PRELID2: variants seen among roughly 807,000 people sequenced by gnomAD.
PRELID2 encodes PRELI domain-containing protein 2.
In PRELID2, 25 loss-of-function variants were observed where a neutral mutation model predicts 28.4. The ratio of observed to expected loss-of-function variants is 0.88; its 90% CI spans 0.64 to 1.23. PRELID2 has a LOEUF of 1.23. Ranked by LOEUF, PRELID2 falls within the 50% of genes most tolerant of loss-of-function variation. PRELID2 has a pLI of 0.00. For missense variants in PRELID2, 201 were observed against 214.4 expected (o/e 0.94, Z 0.39); for synonymous variants, 76 against 71.6 (o/e 1.06, Z -0.31).
the PRELID2 span, among the ~76,000 whole-genome samples, chr5:145,355,556 G>A: frequency 6.6e-6 from 1 of 152,042 alleles, no homozygotes; most frequent in Admixed American, 6.6e-5. Context: ...ACTGTGTGAA[G>A]ACAAAGGCAG....
intron 1 of PRELID2, among the ~76,000 whole-genome samples, chr5:145,699,611 C>A (rs1457216716): frequency 6.6e-6 from 1 of 152,144 alleles, no homozygotes; most frequent in East Asian, 1.9e-4. Context: ...CTTCCCATTT[C>A]AGTTTGTGTG....
At chr5:145,289,463 G>C in the PRELID2 span, among the ~76,000 whole-genome samples, 2 of 152,002 alleles carry the variant, frequency 1.3e-5, no homozygotes, top group African/African-American at 4.8e-5. Flanking sequence ...ATAACATTCT[G>C]GTGTATGGGT....
intron 1 of PRELID2, among the ~76,000 whole-genome samples, chr5:145,503,066 G>A (rs1244336853): frequency 6.6e-6 from 1 of 152,106 alleles, no homozygotes; most frequent in Non-Finnish European, 1.5e-5. Flanking sequence ...GTGGATGGCT[G>A]GGAGAGTATT....
chr5:145,520,002 C>T (rs562051121), intron 1 of PRELID2, among the ~76,000 whole-genome samples: 3 of 152,278 alleles, frequency 2.0e-5, no homozygotes, highest in Admixed American at 6.5e-5. Flanking sequence ...AATAACTTGG[C>T]TCTCAATGGT....
intron 1 of PRELID2, among the ~76,000 whole-genome samples, chr5:145,620,838 C>CAA (rs1323812839): frequency 6.6e-6 from 1 of 151,800 alleles, no homozygotes; most frequent in Admixed American, 6.6e-5. Flanking sequence ...CACACACACA[C>CAA]ACACAAAATT....
In PRELID2 at chr5:145,757,294, C is replaced by T. The variant is rs1757286183; in HGVS notation, c.*3242G>A. The stretch of plus-strand genomic sequence containing the variant: ...CCCTTCCTGGTAAAAGCACCTCAGT[C>T]ATATAGGGATAGTTCAAGTCAGCTT... On this transcript the variant is annotated 3_prime_UTR_variant, in exon 7 of 7. Transcript: ENST00000683046. 1.3e-5 allele frequency among the ~76,000 whole-genome samples: 2 copies of T among 152,152 alleles called. No homozygotes were observed. The highest frequency in any genetic ancestry group is 2.9e-5 in the Non-Finnish European group (2 of 68,026).
chr5:145,668,838 G>A (rs562022537), intron 1 of PRELID2, among the ~76,000 whole-genome samples: 5 of 152,212 alleles, frequency 3.3e-5, no homozygotes, highest in Admixed American at 6.6e-5. Context: ...CATGTAACAG[G>A]AAGGTTATTA....
At chr5:145,688,611 C>T (rs952438773) in intron 1 of PRELID2, among the ~76,000 whole-genome samples, 1 of 152,240 alleles carries the variant, frequency 6.6e-6, no homozygotes, top group South Asian at 2.1e-4. Context: ...TAAATAATAC[C>T]TAGAGTTACC....
At chr5:145,293,140 C>A in the PRELID2 span, among the ~76,000 whole-genome samples, 2 of 152,106 alleles carry the variant, frequency 1.3e-5, no homozygotes, top group Non-Finnish European at 2.9e-5. Flanking sequence ...AGGTGCTCTA[C>A]CATTTGCCAC....
chr5:145,432,154 G>T, the PRELID2 span, among the ~76,000 whole-genome samples: 1 of 152,050 alleles, frequency 6.6e-6, no homozygotes, highest in Non-Finnish European at 1.5e-5. Context: ...GAGGATAAAA[G>T]AAATTTTGCT....
intron 1 of PRELID2, among the ~76,000 whole-genome samples, chr5:145,543,310 T>C (rs1195310578): frequency 2.0e-5 from 3 of 152,162 alleles, no homozygotes; most frequent in Non-Finnish European, 2.9e-5. Context: ...ATTTGTTAAA[T>C]GTATTAAGAC....
At chr5:145,504,900 G>A (rs1438550304) in intron 1 of PRELID2, among the ~76,000 whole-genome samples, 1 of 152,058 alleles carries the variant, frequency 6.6e-6, no homozygotes, top group Non-Finnish European at 1.5e-5. Flanking sequence ...TCTCCAAATG[G>A]TTGAACACCA....
At chr5:145,438,698 T>A in the PRELID2 span, among the ~76,000 whole-genome samples, 1 of 152,190 alleles carries the variant, frequency 6.6e-6, no homozygotes, top group East Asian at 1.9e-4. Context: ...GTTCTACCTA[T>A]AATTTACTCA....
At chr5:145,457,980 C>T in the PRELID2 span, among the ~76,000 whole-genome samples, 1 of 151,978 alleles carries the variant, frequency 6.6e-6, no homozygotes, top group South Asian at 2.1e-4. Context: ...TTATTTAGTC[C>T]TTAGTTTTCA....
At chr5:145,234,693 A>C in the PRELID2 span, among the ~76,000 whole-genome samples, 1 of 152,202 alleles carries the variant, frequency 6.6e-6, no homozygotes, top group African/African-American at 2.4e-5. Context: ...ATGAATACTT[A>C]CTGAAGACCT....
chr5:145,492,664 G>T (rs181173034), intron 1 of PRELID2, among the ~76,000 whole-genome samples: 1 of 141,214 alleles, frequency 7.1e-6, no homozygotes, highest in East Asian at 2.0e-4. Context: ...TTACATTTAG[G>T]TCTTTAATCC....
the PRELID2 span, among the ~76,000 whole-genome samples, chr5:145,244,787 T>C: frequency 2.0e-5 from 3 of 152,118 alleles, no homozygotes; most frequent in African/African-American, 7.2e-5. Context: ...TGAAGTCCAA[T>C]TCAGATCAGA....
At chr5:145,364,112 A>T in the PRELID2 span, among the ~76,000 whole-genome samples, 2 of 151,966 alleles carry the variant, frequency 1.3e-5, no homozygotes, top group African/African-American at 2.4e-5. Flanking sequence ...TTTTAAATTA[A>T]TGGGTTATCA....
At chr5:145,251,248 T>C in the PRELID2 span, among the ~76,000 whole-genome samples, 3 of 152,108 alleles carry the variant, frequency 2.0e-5, no homozygotes, top group African/African-American at 7.2e-5. Context: ...TAGGATCATA[T>C]GGATAATACT....
Sources: gnomAD v4.1 joint callset for allele counts (sites outside exome capture counted in the v4.1 genomes callset) on GRCh38, gnomAD v4.1.1 for gene constraint, MANE v1.5 for transcripts, NCBI Gene and HGNC (gene_info 2026-07-23, HGNC 2026-07-21) for gene names.